TXLNB: variants seen among roughly 807,000 people sequenced by gnomAD.
TXLNB encodes beta-taxilin.
Under a neutral mutation model 57.4 loss-of-function variants are expected in TXLNB, and 37 were observed. That is an observed-to-expected ratio of 0.64 (90% CI 0.50 to 0.85). The LOEUF (loss-of-function observed/expected upper bound fraction) is 0.85. Ranked by LOEUF, TXLNB falls within the 40% of genes least tolerant of loss-of-function variation. The pLI is 0.00. For synonymous variants in TXLNB, 302 were observed against 309.6 expected, an observed-to-expected ratio of 0.98 and a Z score of 0.26; for missense variants, 848 against 825.6, an observed-to-expected ratio of 1.03 and a Z score of -0.33.
At chr6:139,213,199 T>G in the TXLNB span, among the ~76,000 whole-genome samples, 1 of 152,202 alleles carries the variant, frequency 6.6e-6, no homozygotes, top group African/African-American at 2.4e-5. Context: ...ACACCACATC[T>G]ATTCCAAAAT....
At chr6:139,275,296 C>T (rs983573138) in intron 3 of TXLNB, among the ~76,000 whole-genome samples, 1 of 152,094 alleles carries the variant, frequency 6.6e-6, no homozygotes, top group Non-Finnish European at 1.5e-5. Flanking sequence ...GAATATGACA[C>T]AACTTTTACA....
downstream of TXLNB, among the ~76,000 whole-genome samples, chr6:139,238,041 A>G (rs2114391289): frequency 6.6e-6 from 1 of 152,294 alleles, no homozygotes; most frequent in East Asian, 1.9e-4. Context: ...TTTGGTGGAA[A>G]TGATTCTTTT....
At chr6:139,160,404 T>A in the TXLNB span, among the ~76,000 whole-genome samples, 1 of 152,194 alleles carries the variant, frequency 6.6e-6, no homozygotes, top group East Asian at 1.9e-4. Context: ...TTGTGTCAGA[T>A]CAATCTATAT....
At chr6:139,230,815 G>A in the TXLNB span, among the ~76,000 whole-genome samples, 1 of 152,162 alleles carries the variant, frequency 6.6e-6, no homozygotes, top group South Asian at 2.1e-4. Context: ...AGGATTAGTT[G>A]AGCAAACAAA....
At chr6:139,167,291 G>A in the TXLNB span, 1 of 1,607,514 alleles carries the variant, frequency 6.2e-7, no homozygotes, top group African/African-American at 1.3e-5. Flanking sequence ...GAGACATGAT[G>A]AGATCGAATA....
the TXLNB span, among the ~76,000 whole-genome samples, chr6:139,321,350 T>C: frequency 6.6e-6 from 1 of 152,106 alleles, no homozygotes; most frequent in African/African-American, 2.4e-5. Flanking sequence ...CCTTCTACCA[T>C]ATGAAGATAA....
At chr6:139,287,242 G>C (rs953865691) in intron 2 of TXLNB, 1 of 152,290 alleles carries the variant, frequency 6.6e-6, no homozygotes, top group African/African-American at 2.4e-5. Flanking sequence ...GGAATTCACT[G>C]TCTCACTGCT....
chr6:139,227,352 A>G, the TXLNB span, among the ~76,000 whole-genome samples: 1 of 150,502 alleles, frequency 6.6e-6, no homozygotes, highest in Non-Finnish European at 1.5e-5. Context: ...ACAAAACAAA[A>G]CAAACAAAAA....
the TXLNB span, among the ~76,000 whole-genome samples, chr6:139,169,234 T>G: frequency 6.6e-6 from 1 of 152,016 alleles, no homozygotes; most frequent in Non-Finnish European, 1.5e-5. Flanking sequence ...TTAGATTATT[T>G]TTTTTGTTGG....
chr6:139,313,125 T>G, the TXLNB span, among the ~76,000 whole-genome samples: 36 of 151,668 alleles, frequency 2.4e-4, no homozygotes, highest in Non-Finnish European at 4.7e-4. Context: ...CAGGCTGGAG[T>G]GCAGTGGCGC....
chr6:139,236,050 C>T (rs748584824), downstream of TXLNB, among the ~76,000 whole-genome samples: 1 of 152,148 alleles, frequency 6.6e-6, no homozygotes, highest in Non-Finnish European at 1.5e-5. Flanking sequence ...CCCACTCCTT[C>T]CCCCTTCTGG....
chr6:139,228,253 C>T, the TXLNB span, among the ~76,000 whole-genome samples: 1 of 152,122 alleles, frequency 6.6e-6, no homozygotes. Flanking sequence ...CAGTGGCTCA[C>T]ACCTGTAATC....
At chr6:139,297,446 A>G in the TXLNB span, among the ~76,000 whole-genome samples, 1 of 152,234 alleles carries the variant, frequency 6.6e-6, no homozygotes, top group Non-Finnish European at 1.5e-5. Context: ...GGGCAGGGGT[A>G]AACTAAATGA....
chr6:139,254,039 G>T (rs1348782820), intron 7 of TXLNB, among the ~76,000 whole-genome samples: 1 of 152,068 alleles, frequency 6.6e-6, no homozygotes, highest in Non-Finnish European at 1.5e-5. Flanking sequence ...ACTGCCTAAA[G>T]GATGATCTTG....
chr6:139,162,356 GT>G, the TXLNB span, among the ~76,000 whole-genome samples: 1 of 152,116 alleles, frequency 6.6e-6, no homozygotes, highest in Non-Finnish European at 1.5e-5. Flanking sequence ...CATGTGTATA[GT>G]TTTTTTCATT....
At chr6:139,319,586 A>AC in the TXLNB span, among the ~76,000 whole-genome samples, 3 of 151,372 alleles carry the variant, frequency 2.0e-5, no homozygotes, top group African/African-American at 7.3e-5. Context: ...ACATAGGGAG[A>AC]ACCCATCTCT....
At chr6:139,230,466 G>T in the TXLNB span, among the ~76,000 whole-genome samples, 1 of 152,202 alleles carries the variant, frequency 6.6e-6, no homozygotes, top group Non-Finnish European at 1.5e-5. Flanking sequence ...AGGAGACTGG[G>T]ACTCCGCCTC....
At chr6:139,293,143 G>T (rs144085969), upstream of TXLNB, among the ~76,000 whole-genome samples, 668 of 152,236 alleles carry the variant, frequency 4.4e-3, 6 homozygotes, top group East Asian at 0.03. Flanking sequence ...TGTCACTCAG[G>T]CTGGAGTGCA....
chr6:139,273,183 T>C (rs1414001163), intron 3 of TXLNB, among the ~76,000 whole-genome samples: 2 of 152,266 alleles, frequency 1.3e-5, no homozygotes, highest in Admixed American at 1.3e-4. Context: ...GATAATTTTT[T>C]GTTGTTGGGG....
Sources: gnomAD v4.1 joint callset for allele counts (sites outside exome capture counted in the v4.1 genomes callset) on GRCh38, gnomAD v4.1.1 for gene constraint, MANE v1.5 for transcripts, NCBI Gene and HGNC (gene_info 2026-07-23, HGNC 2026-07-21) for gene names.